The following CLGN variants were observed in gnomAD, a reference collection of about 807,000 sequenced individuals.
The protein encoded by CLGN is calmegin.
A neutral mutation model predicts 79.1 loss-of-function variants in CLGN; 62 were observed. That is an observed-to-expected ratio of 0.78 (90% confidence interval 0.64 to 0.97). The LOEUF (loss-of-function observed/expected upper bound fraction) is 0.97. Among genes scored for constraint, CLGN ranks in the 50% least tolerant of loss-of-function variants. CLGN has a pLI of 0.00. For synonymous variants in CLGN, 225 were observed against 224.7 expected (o/e 1.00, Z -0.01); for missense variants, 647 against 715.5 (o/e 0.90, Z 1.09).
chr4:140,396,874 C>CATATATATATATAT (rs759900454), intron 8 of CLGN, among the ~76,000 whole-genome samples: 1 of 109,538 alleles, frequency 9.1e-6, no homozygotes, highest in Non-Finnish European at 1.7e-5. Flanking sequence ...TATATATATA[C>CATATATATATATAT]ATATATATAT....
At chr4:140,416,455 C>A (rs1191908882) in intron 1 of CLGN, among the ~76,000 whole-genome samples, 16 of 150,806 alleles carry the variant, frequency 1.1e-4, no homozygotes, top group Admixed American at 7.3e-4. Context: ...AGACTGCTAG[C>A]AAGACTAATA....
At chr4:140,392,159 A>AGT in intron 13 of CLGN, 60 bp downstream of exon 13, 7 of 1,551,898 alleles carry the variant, frequency 4.5e-6, no homozygotes, top group Non-Finnish European at 6.1e-6. Context: ...TTTCAAGGCC[A>AGT]TATACAGTTT....
chr4:140,405,173 A>T (rs150342498), intron 5 of CLGN, among the ~76,000 whole-genome samples: 2,602 of 24,636 alleles, frequency 0.11, 125 homozygotes, highest in African/African-American at 0.2. Context: ...AATTTTTTTT[A>T]TTTTTATTTT....
rs1201283031 is a variant in CLGN, at chr4:140,396,560, A to G, written c.885-355T>C. 4.0e-5 allele frequency among the ~76,000 whole-genome samples: 6 copies of G among 151,476 alleles called. No individual in the cohort carries two copies. The East Asian group carries it at 1.2e-3, about 29-fold the overall frequency. On this transcript the variant is annotated intron_variant, in intron 8 of 14. Coordinates refer to ENST00000325617, the MANE Select transcript of CLGN (RefSeq NM_004362.3). ...AGACTGTTCGAGGAGCTCCATTATTATTATTTTTTTCTTGAGGTGGAGTCT... is the reference window on the plus strand; with the variant it reads ...AGACTGTTCGAGGAGCTCCATTATTGTTATTTTTTTCTTGAGGTGGAGTCT...
At chr4:140,409,964 T>A in intron 3 of CLGN, 69 bp from the exon 4 acceptor site, 1 of 976,558 alleles carries the variant, frequency 1.0e-6, no homozygotes, top group Non-Finnish European at 1.6e-6. Context: ...ATATAAGGCA[T>A]ACAGAAACAC....
rs1729194928 is a variant in CLGN, at chr4:140,410,728, T to C, written c.145-102A>G. The C allele has an allele frequency of 5.8e-6, 4 of 695,544 alleles. No homozygotes were observed. The Admixed American group carries it at 1.1e-4, about 19-fold the overall frequency. The allele number at this position is 695,544 out of a possible 1,614,324, so 43.1% of individuals were successfully genotyped here. A position where few individuals can be genotyped will look rare whatever the true frequency, so the allele number is the denominator to read the frequency against. On this transcript the variant is annotated intron_variant, in intron 2 of 14. Transcript: ENST00000325617. ...ACATAGTATGTAATGCACATACAGGTAATACAGATATGAGGTGACAAACTC... is the reference window on the plus strand; with the variant it reads ...ACATAGTATGTAATGCACATACAGGCAATACAGATATGAGGTGACAAACTC...
In CLGN at chr4:140,395,840, C is replaced by CTAACTAGGTAAT; in HGVS notation, c.1127_1128insATTACCTAGTTA (p.Leu376_Val377insLeuProSerTer). ...TTACCTGATAGTTAGGATTATCGAC[C>CTAACTAGGTAAT]AGTGGAGGTCTCCATACTCCTTTGT... is the stretch of plus-strand genomic sequence containing the variant. On this transcript the variant is annotated stop_gained and inframe_insertion, in exon 10 of 15. Transcript: ENST00000325617. LOFTEE classifies it high-confidence loss of function. 6.6e-7 allele frequency: 1 copy of CTAACTAGGTAAT among 1,519,380 alleles called. No individual in the cohort carries two copies. Among genetic ancestry groups the CTAACTAGGTAAT allele is most frequent in the East Asian group, 2.3e-5 (1 of 43,368 alleles). The allele number at this position is 1,519,380 out of a possible 1,614,324, so 94.1% of individuals were successfully genotyped here. A position where few individuals can be genotyped will look rare whatever the true frequency, so the allele number is the denominator to read the frequency against.
intron 8 of CLGN, among the ~76,000 whole-genome samples, 178 bp downstream of exon 8, chr4:140,398,673 A>T (rs1728939833): frequency 6.6e-6 from 1 of 152,206 alleles, no homozygotes; most frequent in Non-Finnish European, 1.5e-5. Flanking sequence ...AGAAATAAAA[A>T]AAAATTACAG....
chr4:140,422,318 C>G (rs1357141272), intron 1 of CLGN, among the ~76,000 whole-genome samples: 12 of 152,146 alleles, frequency 7.9e-5, no homozygotes, highest in Admixed American at 7.2e-4. Context: ...AGGATTATGA[C>G]AGGGATTGCA....
At chr4:140,415,505 G>T (rs1729310615) in intron 1 of CLGN, among the ~76,000 whole-genome samples, 1 of 152,062 alleles carries the variant, frequency 6.6e-6, no homozygotes, top group African/African-American at 2.4e-5. Flanking sequence ...GATGGAGGAA[G>T]ATCTACCAAG....
chr4:140,403,538 G>A (rs1729036585), intron 5 of CLGN, among the ~76,000 whole-genome samples: 1 of 152,078 alleles, frequency 6.6e-6, no homozygotes, highest in Admixed American at 6.5e-5. Flanking sequence ...AGAACACGTG[G>A]TGCATGATAT....
chr4:140,403,184 T>C (rs1283905865), intron 5 of CLGN, among the ~76,000 whole-genome samples: 2 of 152,216 alleles, frequency 1.3e-5, no homozygotes, highest in Non-Finnish European at 2.9e-5. Flanking sequence ...AAAGTCAAAA[T>C]GACCTGAGAG....
chr4:140,393,564 G>C (rs1728815078), intron 11 of CLGN, among the ~76,000 whole-genome samples: 2 of 152,074 alleles, frequency 1.3e-5, no homozygotes, highest in Admixed American at 1.3e-4. Context: ...TCTATGAACA[G>C]TAAATAAGCA....
chr4:140,425,622 CTTTTTT>C (rs60198755), intron 1 of CLGN, among the ~76,000 whole-genome samples: 20 of 97,170 alleles, frequency 2.1e-4, no homozygotes, highest in Non-Finnish European at 3.8e-4. Flanking sequence ...TTTGTAATTC[CTTTTTT>C]TTTTTTTTTT....
At chr4:140,422,410 T>A (rs1404683317) in intron 1 of CLGN, among the ~76,000 whole-genome samples, 2 of 152,250 alleles carry the variant, frequency 1.3e-5, no homozygotes, top group Non-Finnish European at 1.5e-5. Context: ...TTTCCATTGA[T>A]TAATATTTGT....
At chr4:140,418,970 T>C (rs1468895627) in intron 1 of CLGN, among the ~76,000 whole-genome samples, 1 of 152,138 alleles carries the variant, frequency 6.6e-6, no homozygotes, top group Non-Finnish European at 1.5e-5. Context: ...CCAACAATGA[T>C]AGAATGGATT....
At chr4:140,400,900 T>G (rs1728987785) in intron 6 of CLGN, among the ~76,000 whole-genome samples, 1 of 152,088 alleles carries the variant, frequency 6.6e-6, no homozygotes, top group Non-Finnish European at 1.5e-5. Context: ...AGACTAAAAT[T>G]ATCACCCATT....
intron 7 of CLGN, 114 bp downstream of exon 7, chr4:140,400,243 A>G (rs762626355): frequency 2.9e-6 from 2 of 691,122 alleles, no homozygotes; most frequent in Non-Finnish European, 4.9e-6. Context: ...TTTCTGAAAA[A>G]GATAAGCTCC....
chr4:140,426,174 T>A (rs925767927), intron 1 of CLGN, among the ~76,000 whole-genome samples: 1 of 152,180 alleles, frequency 6.6e-6, no homozygotes, highest in African/African-American at 2.4e-5. Context: ...TCGCACCAAG[T>A]TTCTAGTTTT....
Sources: gnomAD v4.1 joint callset for allele counts (sites outside exome capture counted in the v4.1 genomes callset) on GRCh38, gnomAD v4.1.1 for gene constraint, MANE v1.5 for transcripts, NCBI Gene and HGNC (gene_info 2026-07-23, HGNC 2026-07-21) for gene names.